The following AGBL4 variants were observed in gnomAD, a reference collection of about 807,000 sequenced individuals.
AGBL4 encodes the protein AGBL carboxypeptidase 4.
In AGBL4, 58 loss-of-function variants were observed where a neutral mutation model predicts 66.4. The observed-to-expected ratio is 0.87, with a 90% CI of 0.71 to 1.09. The LOEUF (loss-of-function observed/expected upper bound fraction) is 1.09, where lower values mean the gene tolerates loss of function less well. Ranked by LOEUF, AGBL4 falls within the 50% of genes least tolerant of loss-of-function variation. AGBL4 has a pLI of 0.00. For synonymous variants in AGBL4, 234 were observed against 222.9 expected, an observed-to-expected ratio of 1.05 and a Z score of -0.44; for missense variants, 579 against 631.0, an observed-to-expected ratio of 0.92 and a Z score of 0.88.
chr1:48,888,959 G>A (rs976645405), intron 5 of AGBL4, among the ~76,000 whole-genome samples: 1 of 152,138 alleles, frequency 6.6e-6, no homozygotes, highest in Non-Finnish European at 1.5e-5. Context: ...CAGCCTCAGG[G>A]CAACACTCCC....
intron 3 of AGBL4, among the ~76,000 whole-genome samples, chr1:49,657,152 A>G (rs1646156950): frequency 2.0e-5 from 3 of 152,260 alleles, no homozygotes; most frequent in Admixed American, 6.5e-5. Flanking sequence ...AAGCAGCTTC[A>G]GCAAAGTCTC....
intron 2 of AGBL4, among the ~76,000 whole-genome samples, chr1:49,823,996 A>C (rs1041373834): frequency 6.6e-6 from 1 of 152,108 alleles, no homozygotes; most frequent in Non-Finnish European, 1.5e-5. Flanking sequence ...GGATCACCTG[A>C]AGTTGGGAGT....
chr1:50,019,982 G>C (rs1197247486), intron 1 of AGBL4, among the ~76,000 whole-genome samples: 1 of 151,940 alleles, frequency 6.6e-6, no homozygotes, highest in East Asian at 1.9e-4. Context: ...CTCTTACAGA[G>C]CTATCTACAT....
chr1:49,390,961 C>T (rs1196180919), intron 3 of AGBL4, among the ~76,000 whole-genome samples: 3 of 151,950 alleles, frequency 2.0e-5, no homozygotes, highest in African/African-American at 7.3e-5. Flanking sequence ...CACCAGGCTG[C>T]GGTGTGAGGG....
intron 3 of AGBL4, among the ~76,000 whole-genome samples, chr1:49,680,056 T>C (rs1646660294): frequency 6.8e-6 from 1 of 147,092 alleles, no homozygotes; most frequent in African/African-American, 2.5e-5. Flanking sequence ...TCCCTTTTTT[T>C]TTTTTTTTTT....
At chr1:49,627,165 A>G (rs1044224488) in intron 3 of AGBL4, among the ~76,000 whole-genome samples, 1 of 152,120 alleles carries the variant, frequency 6.6e-6, no homozygotes, top group Non-Finnish European at 1.5e-5. Context: ...TGTCTAGAAT[A>G]TTTGTGAATA....
chr1:48,855,212 GC>G (rs1443911779), intron 6 of AGBL4, among the ~76,000 whole-genome samples: 1 of 152,116 alleles, frequency 6.6e-6, no homozygotes. Flanking sequence ...GCCTTGCGAT[GC>G]CCTACCTTCC....
chr1:49,857,928 T>C (rs187175388), intron 1 of AGBL4, among the ~76,000 whole-genome samples: 1 of 152,076 alleles, frequency 6.6e-6, no homozygotes, highest in Admixed American at 6.6e-5. Context: ...GATTAGACAA[T>C]CTTTAGAATA....
chr1:49,265,099 T>C (rs550767730), intron 3 of AGBL4, among the ~76,000 whole-genome samples: 1 of 152,320 alleles, frequency 6.6e-6, no homozygotes, highest in Non-Finnish European at 1.5e-5. Context: ...AATTTCCATA[T>C]CATTCATCCT....
intron 5 of AGBL4, among the ~76,000 whole-genome samples, chr1:48,964,404 C>A (rs1658252716): frequency 6.6e-6 from 1 of 152,208 alleles, no homozygotes; most frequent in Admixed American, 6.5e-5. Context: ...ATACCTTTAA[C>A]AAACAGGCAT....
intron 6 of AGBL4, among the ~76,000 whole-genome samples, chr1:48,816,157 C>T (rs1165528329): frequency 1.3e-5 from 2 of 151,712 alleles, no homozygotes; most frequent in African/African-American, 2.4e-5. Flanking sequence ...ACAGAGATGT[C>T]GCCAGCTCTG....
intron 3 of AGBL4, among the ~76,000 whole-genome samples, chr1:49,608,473 A>C (rs756374502): frequency 6.6e-6 from 1 of 152,172 alleles, no homozygotes; most frequent in African/African-American, 2.4e-5. Context: ...CTGGAGAAAG[A>C]CTGCCTTATT....
At chr1:48,928,698 A>G (rs2148900259) in intron 5 of AGBL4, among the ~76,000 whole-genome samples, 1 of 152,274 alleles carries the variant, frequency 6.6e-6, no homozygotes, top group African/African-American at 2.4e-5. Flanking sequence ...TAGTTGTCTC[A>G]CTTATAGACA....
At chr1:49,941,693 T>A (rs1330479068) in intron 1 of AGBL4, among the ~76,000 whole-genome samples, 2 of 151,950 alleles carry the variant, frequency 1.3e-5, no homozygotes, top group African/African-American at 2.4e-5. Context: ...TTCATGATTT[T>A]AAAAAAACTC....
At chr1:48,897,022 A>G (rs923247542) in intron 5 of AGBL4, among the ~76,000 whole-genome samples, 2 of 152,160 alleles carry the variant, frequency 1.3e-5, no homozygotes, top group Admixed American at 1.3e-4. Flanking sequence ...CATTGATGCC[A>G]TTTGTTTTTT....
intron 3 of AGBL4, among the ~76,000 whole-genome samples, chr1:49,308,689 C>CTG (rs1644892483): frequency 6.6e-6 from 1 of 151,922 alleles, no homozygotes; most frequent in Non-Finnish European, 1.5e-5. Flanking sequence ...TCAGATAGAA[C>CTG]ACTTAGGGAT....
rs528623934 is a variant in AGBL4 at position 48,677,868 on chromosome 1, G to A, written c.635-14627C>T. 9.8e-5 allele frequency among the ~76,000 whole-genome samples: 15 copies of A among 152,320 alleles called. No homozygotes were observed. In the East Asian group the frequency reaches 2.9e-3, roughly 29 times the overall value. On this transcript the variant is annotated intron_variant, in intron 6 of 13. Coordinates refer to ENST00000371839, the MANE Select transcript of AGBL4 (RefSeq NM_032785.4). ...CTTTTTGGGGACACTAGGGTGATGG[G>A]GAGATACCTCCGGATTTCTGGAAAG...
intron 6 of AGBL4, among the ~76,000 whole-genome samples, chr1:48,775,674 AG>A (rs1195192421): frequency 6.6e-6 from 1 of 152,176 alleles, no homozygotes; most frequent in African/African-American, 2.4e-5. Flanking sequence ...CTCTTTACAA[AG>A]GAAAAGGTGT....
rs540331888 is a variant in AGBL4, at chr1:48,692,481, A to G, written c.635-29240T>C. Among the ~76,000 whole-genome samples the G allele has an allele frequency of 2.5e-3, 386 of 152,314 alleles. 6 individuals are homozygous for G. Among genetic ancestry groups the G allele is most frequent in the African/African-American group, 8.9e-3 (368 of 41,572 alleles). ...GAGAGCAATGCAGGAGGCGGAAAGA[A>G]GTCTGGGAGAGGAGCGTGGGCTGGC... is the stretch of plus-strand genomic sequence containing the variant. On this transcript the variant is annotated intron_variant, in intron 6 of 13. Transcript: ENST00000371839.
Sources: gnomAD v4.1 joint callset for allele counts (sites outside exome capture counted in the v4.1 genomes callset) on GRCh38, gnomAD v4.1.1 for gene constraint, MANE v1.5 for transcripts, NCBI Gene and HGNC (gene_info 2026-07-23, HGNC 2026-07-21) for gene names.